The following ATP8A1 variants were observed in gnomAD, a reference collection of about 807,000 sequenced individuals.
ATP8A1 encodes ATPase phospholipid transporting 8A1.
A neutral mutation model predicts 177.7 loss-of-function variants in ATP8A1; 90 were observed. The observed-to-expected ratio is 0.51, with a 90% CI of 0.43 to 0.60. ATP8A1 has a LOEUF of 0.60. Among genes scored for constraint, ATP8A1 ranks in the 20% least tolerant of loss-of-function variants. The pLI is 0.00. For synonymous variants in ATP8A1, 493 were observed against 485.9 expected (o/e 1.01, Z -0.19); for missense variants, 1,072 against 1,392.8 (o/e 0.77, Z 3.67).
intron 1 of ATP8A1, among the ~76,000 whole-genome samples, chr4:42,642,082 T>C (rs1270848787): frequency 6.6e-6 from 1 of 152,084 alleles, no homozygotes; most frequent in Non-Finnish European, 1.5e-5. Flanking sequence ...GGGACATCAG[T>C]ATAGCACACA....
intron 4 of ATP8A1, among the ~76,000 whole-genome samples, chr4:42,623,890 A>C (rs1737768273): frequency 6.6e-6 from 1 of 152,170 alleles, no homozygotes; most frequent in Non-Finnish European, 1.5e-5. Flanking sequence ...ATATATATGA[A>C]GTAGTTTAAA....
intron 15 of ATP8A1, among the ~76,000 whole-genome samples, chr4:42,560,803 C>T (rs1369454421): frequency 6.6e-6 from 1 of 152,044 alleles, no homozygotes; most frequent in Non-Finnish European, 1.5e-5. Flanking sequence ...CTATGATTTT[C>T]AACACAGATC....
At chr4:42,493,146 C>T (rs1722895150) in intron 24 of ATP8A1, among the ~76,000 whole-genome samples, 1 of 152,106 alleles carries the variant, frequency 6.6e-6, no homozygotes, top group Non-Finnish European at 1.5e-5. Context: ...TCCAGGCTGG[C>T]CCGTGAGGGT....
At chr4:42,588,604 C>T (rs1207412561) in intron 7 of ATP8A1, 3 of 271,648 alleles carry the variant, frequency 1.1e-5, no homozygotes, top group Non-Finnish European at 2.1e-5. Context: ...AATAGATTTG[C>T]ACATTATATT....
chr4:42,650,738 C>T (rs1366446584), intron 1 of ATP8A1, among the ~76,000 whole-genome samples: 1 of 152,108 alleles, frequency 6.6e-6, no homozygotes, highest in Non-Finnish European at 1.5e-5. Context: ...CAGAAGAAAA[C>T]ACAAACCACT....
intron 24 of ATP8A1, among the ~76,000 whole-genome samples, chr4:42,496,563 G>T (rs186811583): frequency 1.3e-5 from 2 of 152,020 alleles, no homozygotes; most frequent in African/African-American, 4.8e-5. Context: ...TTTGGAGAAG[G>T]TAACAACTAG....
intron 14 of ATP8A1, among the ~76,000 whole-genome samples, chr4:42,570,888 C>G (rs191659470): frequency 1.5e-4 from 23 of 152,332 alleles, no homozygotes; most frequent in African/African-American, 5.3e-4. Flanking sequence ...CCCATTATAG[C>G]CTCACATAGA....
At chr4:42,443,479 G>T (rs1716855013) in intron 33 of ATP8A1, 86 bp downstream of exon 33, 5 of 627,246 alleles carry the variant, frequency 8.0e-6, no homozygotes, top group Non-Finnish European at 1.5e-5. Context: ...TCAACAAGAT[G>T]GAAAATTATG....
chr4:42,426,051 A>G (rs749763684), intron 33 of ATP8A1, among the ~76,000 whole-genome samples: 8 of 152,214 alleles, frequency 5.3e-5, no homozygotes, highest in Admixed American at 2.0e-4. Flanking sequence ...CTGCCTGAAA[A>G]CACAACTTGC....
intron 29 of ATP8A1, 116 bp downstream of exon 29, chr4:42,455,181 C>A: frequency 7.6e-7 from 1 of 1,316,890 alleles, no homozygotes; most frequent in Non-Finnish European, 1.0e-6. Context: ...TAGTCGGTAC[C>A]CTGGAGTTGT....
chr4:42,537,834 C>T (rs917329223), intron 20 of ATP8A1, among the ~76,000 whole-genome samples: 1 of 152,146 alleles, frequency 6.6e-6, no homozygotes, highest in African/African-American at 2.4e-5. Context: ...TGACATCCTG[C>T]TAAAAGCAAT....
intron 1 of ATP8A1, among the ~76,000 whole-genome samples, chr4:42,634,069 G>C (rs889669716): frequency 6.6e-6 from 1 of 152,194 alleles, no homozygotes; most frequent in African/African-American, 2.4e-5. Context: ...GGAATTCACT[G>C]ACAGGTTTAA....
At chr4:42,618,454 T>G (rs1007859349) in intron 4 of ATP8A1, among the ~76,000 whole-genome samples, 1 of 152,202 alleles carries the variant, frequency 6.6e-6, no homozygotes, top group African/African-American at 2.4e-5. Context: ...CTCAAAGGCA[T>G]CTCAAACTGT....
intron 33 of ATP8A1, among the ~76,000 whole-genome samples, chr4:42,424,906 A>C (rs920338913): frequency 6.6e-6 from 1 of 152,228 alleles, no homozygotes; most frequent in Non-Finnish European, 1.5e-5. Flanking sequence ...CATGGGTTCA[A>C]TGAAATAGCA....
At chr4:42,603,703 T>C (rs1735522762) in intron 5 of ATP8A1, among the ~76,000 whole-genome samples, 1 of 152,210 alleles carries the variant, frequency 6.6e-6, no homozygotes. Flanking sequence ...TTTAAAAATC[T>C]TCTCCACCAT....
At chr4:42,443,957 T>C (rs1326852195) in intron 32 of ATP8A1, among the ~76,000 whole-genome samples, 2 of 152,170 alleles carry the variant, frequency 1.3e-5, no homozygotes, top group Admixed American at 1.3e-4. Flanking sequence ...CCTGAACATT[T>C]GGAAGCCTGC....
intron 24 of ATP8A1, among the ~76,000 whole-genome samples, chr4:42,488,976 T>C (rs527483293): frequency 6.6e-6 from 1 of 152,338 alleles, no homozygotes; most frequent in Admixed American, 6.5e-5. Flanking sequence ...TTTCATCCCG[T>C]TGGCAATGCT....
At chr4:42,448,193 G>C (rs560252554) in intron 30 of ATP8A1, among the ~76,000 whole-genome samples, 30 of 152,058 alleles carry the variant, frequency 2.0e-4, no homozygotes, top group African/African-American at 6.7e-4. Flanking sequence ...GTATTGTTTG[G>C]GTTTTCACAA....
At chr4:42,603,521 T>C (rs1735505573) in intron 5 of ATP8A1, among the ~76,000 whole-genome samples, 1 of 152,214 alleles carries the variant, frequency 6.6e-6, no homozygotes, top group South Asian at 2.1e-4. Flanking sequence ...TTTCTCTTTG[T>C]GAACAATGCT....
Sources: allele counts gnomAD v4.1 joint callset (sites outside exome capture counted in the v4.1 genomes callset), GRCh38; gene constraint gnomAD v4.1.1; transcripts MANE v1.5; gene names NCBI Gene and HGNC (gene_info 2026-07-23, HGNC 2026-07-21).